Variants in PAK3 observed in about 807,000 individuals in gnomAD.
PAK3 encodes the protein p21 (RAC1) activated kinase 3, also known as serine/threonine-protein kinase PAK 3.
A neutral mutation model predicts 41.0 loss-of-function variants in PAK3; 4 were observed. The ratio of observed to expected loss-of-function variants is 0.10; its 90% CI spans 0.05 to 0.22. PAK3 has a LOEUF of 0.22. Ranked by LOEUF, PAK3 falls within the 10% of genes least tolerant of loss-of-function variation. The pLI is 1.00. For missense variants in PAK3, 205 were observed against 409.9 expected, an observed-to-expected ratio of 0.50 and a Z score of 4.32; for synonymous variants, 146 against 139.6, an observed-to-expected ratio of 1.05 and a Z score of -0.32.
intron 5 of PAK3, among the ~76,000 whole-genome samples, chrX:111,141,012 T>C (rs906790360): frequency 1.8e-5 from 2 of 112,147 alleles, no homozygotes; most frequent in Admixed American, 1.9e-4. Flanking sequence ...CTGGCAATTC[T>C]GAAGTTGATT....
intron 1 of PAK3, among the ~76,000 whole-genome samples, chrX:110,983,642 G>A (rs1056101939): frequency 1.8e-5 from 2 of 110,601 alleles, no homozygotes; most frequent in Admixed American, 1.9e-4. Context: ...GAAAACTGCC[G>A]AGGTGAAGAT....
At chrX:111,048,988 C>T (rs935931944) in intron 1 of PAK3, among the ~76,000 whole-genome samples, 4 of 111,714 alleles carry the variant, frequency 3.6e-5, no homozygotes, top group African/African-American at 6.5e-5. Context: ...AAGGGCCCTG[C>T]GGGATTTGGC....
chrX:111,220,177 T>G (rs1488423174), intron 17 of PAK3, among the ~76,000 whole-genome samples, 181 bp from the exon 18 acceptor site: 1 of 111,976 alleles, frequency 8.9e-6, no homozygotes, highest in Non-Finnish European at 1.9e-5. Context: ...TCCAGAGGAT[T>G]TCATGACAAT....
chrX:110,951,528 A>G (rs2090745210), intron 1 of PAK3, among the ~76,000 whole-genome samples: 1 of 111,964 alleles, frequency 8.9e-6, no homozygotes. Context: ...CTCCAACTAC[A>G]GTGTATACAA....
intron 1 of PAK3, among the ~76,000 whole-genome samples, chrX:111,063,602 A>G (rs1260734753): frequency 9.0e-6 from 1 of 111,406 alleles, no homozygotes; most frequent in Non-Finnish European, 1.9e-5. Flanking sequence ...GAAACTGGGC[A>G]TTCATTGCAA....
At chrX:110,978,663 T>C (rs1399198391) in intron 1 of PAK3, among the ~76,000 whole-genome samples, 1 of 111,279 alleles carries the variant, frequency 9.0e-6, no homozygotes, top group Non-Finnish European at 1.9e-5. Flanking sequence ...TCTTTCTTTC[T>C]TCCTTTCTTC....
intron 10 of PAK3, among the ~76,000 whole-genome samples, chrX:111,167,566 T>C (rs1483595289): frequency 9.0e-6 from 1 of 111,207 alleles, no homozygotes; most frequent in Non-Finnish European, 1.9e-5. Flanking sequence ...ACAAATAGCC[T>C]GGGTCTGGCT....
rs988167387 is a variant in PAK3 at position 111,223,342 on chromosome X, G to A, written c.*2895G>A. 9.2e-6 allele frequency: 1 copy of A among 109,134 alleles called. No individual in the cohort carries two copies. Among genetic ancestry groups the A allele is most frequent in the African/African-American group, 3.3e-5 (1 of 29,952 alleles). 9.0% of individuals were successfully genotyped at this position (109,134 alleles called of 1,213,427 possible). On this transcript the variant is annotated 3_prime_UTR_variant, in exon 18 of 18. Transcript: ENST00000372007. ...GAAAGAACGTTAATGTTGTTAGCAA[G>A]GATCCAGTGCGTTGTCATAATCCCA...
intron 5 of PAK3, among the ~76,000 whole-genome samples, chrX:111,125,355 G>A (rs1425397887): frequency 9.0e-6 from 1 of 111,290 alleles, no homozygotes; most frequent in Non-Finnish European, 1.9e-5. Flanking sequence ...ATCATTGGCG[G>A]AAGTTGAATC....
intron 1 of PAK3, among the ~76,000 whole-genome samples, chrX:111,020,660 T>C (rs1035092586): frequency 5.4e-5 from 6 of 111,298 alleles, no homozygotes; most frequent in African/African-American, 2.0e-4. Flanking sequence ...CACAGACCCT[T>C]TGAAGGAACT....
At chrX:111,133,780 T>C (rs927226882) in intron 5 of PAK3, among the ~76,000 whole-genome samples, 9 of 112,377 alleles carry the variant, frequency 8.0e-5, no homozygotes, top group Non-Finnish European at 1.9e-5. Context: ...CTTTCTGTAT[T>C]AACAAGGCTT....
chrX:111,127,320 A>G (rs2093660936), intron 5 of PAK3, among the ~76,000 whole-genome samples: 1 of 111,210 alleles, frequency 9.0e-6, no homozygotes, highest in Admixed American at 9.6e-5. Flanking sequence ...TTCATTACCT[A>G]ACTGAAAATA....
chrX:111,135,865 G>A (rs2149063927), intron 5 of PAK3, among the ~76,000 whole-genome samples: 1 of 111,938 alleles, frequency 8.9e-6, no homozygotes, highest in Non-Finnish European at 1.9e-5. Flanking sequence ...AGAAGTATGT[G>A]AAGAAGCAGA....
At chrX:111,003,993 C>T (rs1226631790) in intron 1 of PAK3, among the ~76,000 whole-genome samples, 1 of 112,066 alleles carries the variant, frequency 8.9e-6, no homozygotes, top group Non-Finnish European at 1.9e-5. Flanking sequence ...ATACAACATA[C>T]CTGTGCTATA....
At chrX:111,200,833 T>G (rs1285172003) in intron 16 of PAK3, among the ~76,000 whole-genome samples, 2 of 112,494 alleles carry the variant, frequency 1.8e-5, no homozygotes, top group African/African-American at 6.5e-5. Flanking sequence ...GTCTCAGTAA[T>G]GGATTTATTA....
At chrX:111,015,833 TAGA>T (rs1225052069) in intron 1 of PAK3, among the ~76,000 whole-genome samples, 1 of 112,346 alleles carries the variant, frequency 8.9e-6, no homozygotes. Flanking sequence ...TGTTGATTTG[TAGA>T]AGTTCTTTAT....
chrX:111,018,756 T>C (rs1569506535), intron 1 of PAK3, among the ~76,000 whole-genome samples: 1 of 111,723 alleles, frequency 9.0e-6, no homozygotes. Flanking sequence ...AAAATTTATA[T>C]GGAATCTCAA....
chrX:111,136,149 G>A (rs772231564), intron 5 of PAK3, among the ~76,000 whole-genome samples: 15 of 111,844 alleles, frequency 1.3e-4, no homozygotes, highest in Non-Finnish European at 2.8e-4. Context: ...TAGAAGGAAG[G>A]TCATATGCTG....
intron 1 of PAK3, among the ~76,000 whole-genome samples, chrX:111,037,200 C>G (rs1363098988): frequency 8.9e-6 from 1 of 111,899 alleles, no homozygotes; most frequent in Non-Finnish European, 1.9e-5. Flanking sequence ...TCACCTCAGC[C>G]TCTCAAAGTG....
Sources: gnomAD v4.1 joint callset for allele counts (sites outside exome capture counted in the v4.1 genomes callset) on GRCh38, gnomAD v4.1.1 for gene constraint, MANE v1.5 for transcripts, NCBI Gene and HGNC (gene_info 2026-07-23, HGNC 2026-07-21) for gene names.